MSRB3: variants seen among roughly 807,000 people sequenced by gnomAD.
MSRB3 encodes methionine-R-sulfoxide reductase B3.
Under a neutral mutation model 21.0 loss-of-function variants are expected in MSRB3, and 13 were observed. The observed-to-expected ratio is 0.62, with a 90% CI of 0.40 to 0.98. The LOEUF is 0.98. Ranked by LOEUF, MSRB3 falls within the 50% of genes least tolerant of loss-of-function variation. The pLI is 0.00. For missense variants in MSRB3, 199 were observed against 230.3 expected, an observed-to-expected ratio of 0.86 and a Z score of 0.88; for synonymous variants, 87 against 88.6, an observed-to-expected ratio of 0.98 and a Z score of 0.10.
At chr12:65,398,846 C>G (rs1879958435) in intron 5 of MSRB3, among the ~76,000 whole-genome samples, 1 of 152,150 alleles carries the variant, frequency 6.6e-6, no homozygotes, top group South Asian at 2.1e-4. Context: ...TTTCCCAACA[C>G]CATCTATTAA....
chr12:65,371,030 A>G (rs1436710117), intron 5 of MSRB3, among the ~76,000 whole-genome samples: 1 of 152,194 alleles, frequency 6.6e-6, no homozygotes, highest in Non-Finnish European at 1.5e-5. Context: ...TTTTGGTTAG[A>G]AATAAGGTAG....
At chr12:65,452,536 C>T (rs1197495917) in intron 5 of MSRB3, among the ~76,000 whole-genome samples, 1 of 152,030 alleles carries the variant, frequency 6.6e-6, no homozygotes, top group African/African-American at 2.4e-5. Context: ...AGGTTATAGT[C>T]TGGAAGTTTA....
At chr12:65,344,462 T>C (rs1876353554) in intron 4 of MSRB3, among the ~76,000 whole-genome samples, 1 of 151,992 alleles carries the variant, frequency 6.6e-6, no homozygotes, top group Non-Finnish European at 1.5e-5. Context: ...TTTAATAGCT[T>C]ACCAAATGGC....
chr12:65,357,246 G>A (rs1438473448), intron 4 of MSRB3, among the ~76,000 whole-genome samples: 1 of 151,528 alleles, frequency 6.6e-6, no homozygotes, highest in Non-Finnish European at 1.5e-5. Context: ...CCACCTCCAC[G>A]CACCTTCAAA....
intron 5 of MSRB3, among the ~76,000 whole-genome samples, chr12:65,445,664 G>C (rs201200796): frequency 1.7e-5 from 1 of 59,862 alleles, no homozygotes; most frequent in South Asian, 5.2e-4. Flanking sequence ...TTTTTTTTTT[G>C]AGACAGAGTC....
chr12:65,401,319 G>T (rs752066719), intron 5 of MSRB3, among the ~76,000 whole-genome samples: 2 of 152,142 alleles, frequency 1.3e-5, no homozygotes, highest in Non-Finnish European at 2.9e-5. Flanking sequence ...ATATGTTTAG[G>T]ATACTTAGCT....
intron 2 of MSRB3, among the ~76,000 whole-genome samples, chr12:65,313,858 A>G (rs1874136104): frequency 1.3e-5 from 2 of 152,178 alleles, no homozygotes; most frequent in South Asian, 4.1e-4. Flanking sequence ...TAATTCACAA[A>G]ATAATTTGCA....
At chr12:65,409,015 A>G (rs551215400) in intron 5 of MSRB3, among the ~76,000 whole-genome samples, 1 of 152,266 alleles carries the variant, frequency 6.6e-6, no homozygotes, top group East Asian at 1.9e-4. Flanking sequence ...AAAACATATG[A>G]AAGTGTGTCC....
chr12:65,345,823 C>A (rs1463470807), intron 4 of MSRB3, among the ~76,000 whole-genome samples: 1 of 151,994 alleles, frequency 6.6e-6, no homozygotes, highest in African/African-American at 2.4e-5. Flanking sequence ...TGAGTGAGAA[C>A]ATGTGGTGTT....
intron 1 of MSRB3, among the ~76,000 whole-genome samples, chr12:65,304,069 T>C (rs1204805929): frequency 6.6e-6 from 1 of 152,176 alleles, no homozygotes; most frequent in Non-Finnish European, 1.5e-5. Context: ...GAAGGATTTA[T>C]CAGAATGTGT....
At chr12:65,390,638 A>G (rs923443261) in intron 5 of MSRB3, among the ~76,000 whole-genome samples, 2 of 152,182 alleles carry the variant, frequency 1.3e-5, no homozygotes, top group African/African-American at 4.8e-5. Context: ...GGGAGACTTC[A>G]TGAAGAAAAT....
At chr12:65,366,177 A>C (rs1247770990) in intron 4 of MSRB3, among the ~76,000 whole-genome samples, 1 of 152,192 alleles carries the variant, frequency 6.6e-6, no homozygotes, top group Non-Finnish European at 1.5e-5. Context: ...AATGTGAAGA[A>C]GTATTGAGAC....
At position 65,464,686 on chromosome 12, in the gene MSRB3, G is replaced by A. The variant is rs559610995; in HGVS notation, c.*1364G>A. 86 of 152,446 alleles carry A rather than the reference G, an allele frequency of 5.6e-4. No homozygotes were observed. The highest frequency in any genetic ancestry group is 1.9e-3 in the African/African-American group (78 of 41,560). 9.4% of individuals were successfully genotyped at this position (152,446 alleles called of 1,614,324 possible). On this transcript the variant is annotated 3_prime_UTR_variant, in exon 7 of 7. Coordinates refer to ENST00000308259, the MANE Select transcript of MSRB3 (RefSeq NM_001031679.3). The stretch of plus-strand genomic sequence containing the variant: ...AATGAGAGAGAGCAGAGAAGATCAA[G>A]GATGAAGTCTTGGGTACTGAAAAAT...
intron 1 of MSRB3, among the ~76,000 whole-genome samples, chr12:65,298,847 C>T (rs1193129311): frequency 1.3e-5 from 2 of 152,050 alleles, no homozygotes; most frequent in Non-Finnish European, 2.9e-5. Context: ...ATTTTTAAGG[C>T]TTATATTTAG....
chr12:65,318,381 C>T (rs1874439809), intron 2 of MSRB3, among the ~76,000 whole-genome samples: 1 of 152,088 alleles, frequency 6.6e-6, no homozygotes, highest in Admixed American at 6.6e-5. Flanking sequence ...TGGGTGGTTA[C>T]CGCTCATCTC....
chr12:65,331,849 A>T (rs888792802), intron 4 of MSRB3, among the ~76,000 whole-genome samples: 1 of 152,238 alleles, frequency 6.6e-6, no homozygotes, highest in African/African-American at 2.4e-5. Flanking sequence ...GGAGCCTGGC[A>T]CTAGAGAAGC....
At chr12:65,394,873 A>G (rs573852438) in intron 5 of MSRB3, among the ~76,000 whole-genome samples, 2 of 152,358 alleles carry the variant, frequency 1.3e-5, no homozygotes, top group East Asian at 1.9e-4. Flanking sequence ...ACAATCTTTC[A>G]TGATAAACAC....
intron 1 of MSRB3, among the ~76,000 whole-genome samples, chr12:65,298,622 C>T (rs1014939913): frequency 1.3e-5 from 2 of 151,984 alleles, no homozygotes; most frequent in Non-Finnish European, 2.9e-5. Flanking sequence ...ATAAGGAGTC[C>T]ATTTTCATAA....
intron 5 of MSRB3, among the ~76,000 whole-genome samples, chr12:65,420,916 T>C (rs971271826): frequency 6.6e-6 from 1 of 152,212 alleles, no homozygotes; most frequent in African/African-American, 2.4e-5. Context: ...TTGTGAATAG[T>C]GCTGCAGTGA....
Sources: gnomAD v4.1 joint callset for allele counts (sites outside exome capture counted in the v4.1 genomes callset) on GRCh38, gnomAD v4.1.1 for gene constraint, MANE v1.5 for transcripts, NCBI Gene and HGNC (gene_info 2026-07-23, HGNC 2026-07-21) for gene names.